Variants in ADAMTSL1 observed in about 807,000 individuals in gnomAD.
ADAMTSL1 encodes the protein ADAMTS-like protein 1.
Under a neutral mutation model 201.8 loss-of-function variants are expected in ADAMTSL1, and 126 were observed. That is an observed-to-expected ratio of 0.62 (90% CI 0.54 to 0.72). ADAMTSL1 has a LOEUF of 0.72. ADAMTSL1 is among the 30% of genes least tolerant of loss of function. The pLI, the probability that ADAMTSL1 is intolerant of heterozygous loss-of-function variation, is 0.00. For synonymous variants in ADAMTSL1, 1,121 were observed against 903.4 expected (o/e 1.24, Z -4.32); for missense variants, 2,679 against 2,277.8 (o/e 1.18, Z -3.59).
chr9:18,829,398 G>T (rs1824832782), intron 22 of ADAMTSL1, among the ~76,000 whole-genome samples: 1 of 152,172 alleles, frequency 6.6e-6, no homozygotes. Flanking sequence ...GTGTTTATCT[G>T]TGTGGACAAT....
intron 1 of ADAMTSL1, among the ~76,000 whole-genome samples, chr9:17,998,742 G>T (rs1043009982): frequency 6.6e-6 from 1 of 151,976 alleles, no homozygotes; most frequent in Non-Finnish European, 1.5e-5. Flanking sequence ...TCCTGTCTAG[G>T]AGGTAGGCTT....
chr9:18,537,729 A>G (rs111998798), intron 3 of ADAMTSL1, among the ~76,000 whole-genome samples: 2 of 151,926 alleles, frequency 1.3e-5, no homozygotes, highest in African/African-American at 4.8e-5. Context: ...AAAACCAAAT[A>G]TTAGCATGCT....
chr9:18,890,589 T>G, intron 25 of ADAMTSL1: 1 of 455,970 alleles, frequency 2.2e-6, no homozygotes, highest in Non-Finnish European at 4.4e-6. Flanking sequence ...CAGGAGAGAT[T>G]CGATGAAATA....
intron 2 of ADAMTSL1, among the ~76,000 whole-genome samples, chr9:18,388,372 C>A (rs7874532): frequency 0.13 from 19,656 of 151,926 alleles, 1,323 homozygotes; most frequent in South Asian, 0.23. Context: ...CTCCTCGGTT[C>A]AAGCAATTCT....
chr9:18,831,230 A>G (rs1824957391), intron 23 of ADAMTSL1, among the ~76,000 whole-genome samples: 1 of 152,250 alleles, frequency 6.6e-6, no homozygotes, highest in East Asian at 1.9e-4. Context: ...CATGATTTAT[A>G]CAAGTTTGGC....
intron 1 of ADAMTSL1, among the ~76,000 whole-genome samples, chr9:17,948,024 TGGGTG>T (rs1196895189): frequency 6.6e-6 from 1 of 152,126 alleles, no homozygotes; most frequent in African/African-American, 2.4e-5. Flanking sequence ...GCTCCAGTGG[TGGGTG>T]GTAAATGTCG....
In ADAMTSL1 at chr9:18,661,990, T is replaced by A. The variant is rs751760171; in HGVS notation, c.1002T>A (p.Ala334=). 6.8e-6 allele frequency: 11 copies of A among 1,613,996 alleles called. No individual in the cohort carries two copies. In the East Asian group the frequency reaches 2.0e-4, roughly 29 times the overall value. The change falls in exon 9 of 29, where the codon GCT becomes GCA. Residue 334 remains alanine (A), a synonymous_variant. Transcript: ENST00000380548. ...ATCTGAGGAGCAACCGTGTGGTTGCTGACCAATACTGTCACTATTACCCAG... is the reference window on the plus strand; with the variant it reads ...ATCTGAGGAGCAACCGTGTGGTTGCAGACCAATACTGTCACTATTACCCAG... ...CYDLRSNRVV[A]DQYCHYYPEN... is the part of the protein sequence containing the mutation.
chr9:18,215,177 A>C (rs1433049950), intron 2 of ADAMTSL1, among the ~76,000 whole-genome samples: 1 of 152,188 alleles, frequency 6.6e-6, no homozygotes, highest in Non-Finnish European at 1.5e-5. Context: ...TTGAACATAA[A>C]ATAATACATA....
chr9:18,327,077 C>T (rs1834854325), intron 2 of ADAMTSL1, among the ~76,000 whole-genome samples: 1 of 152,148 alleles, frequency 6.6e-6, no homozygotes, highest in Non-Finnish European at 1.5e-5. Context: ...TTAGCGAAAG[C>T]TGATAAAAAA....
At chr9:18,509,911 A>G (rs940140527) in intron 2 of ADAMTSL1, among the ~76,000 whole-genome samples, 1 of 152,154 alleles carries the variant, frequency 6.6e-6, no homozygotes, top group Non-Finnish European at 1.5e-5. Context: ...GTTCTGTCTC[A>G]TTTCTCCACT....
rs189225046 is a variant in ADAMTSL1, at chr9:18,881,247, C to G, written c.4250-6584C>G. On this transcript the variant is annotated intron_variant, in intron 23 of 28. Transcript: ENST00000380548. ...AAGAGCTTTTTCTTTGCATTCACAA[C>G]TTGGCTGTTTGGAGCAAGAGACCTG... 9.1e-4 allele frequency among the ~76,000 whole-genome samples: 138 copies of G among 152,316 alleles called. 1 individual carries two copies. Among genetic ancestry groups the G allele is most frequent in the Non-Finnish European group, 3.5e-4 (24 of 68,030 alleles).
intron 25 of ADAMTSL1, among the ~76,000 whole-genome samples, chr9:18,891,407 CA>C (rs537693872): frequency 1.3e-3 from 196 of 152,256 alleles, no homozygotes; most frequent in African/African-American, 4.5e-3. Context: ...ATTACATGAG[CA>C]ACAGTCTCGC....
intron 2 of ADAMTSL1, among the ~76,000 whole-genome samples, chr9:18,310,394 A>G (rs891839370): frequency 4.3e-5 from 6 of 140,970 alleles, no homozygotes; most frequent in African/African-American, 1.1e-4. Context: ...AAAAAAAAAA[A>G]AAAAACTATC....
intron 1 of ADAMTSL1, among the ~76,000 whole-genome samples, chr9:17,990,545 A>G (rs139799937): frequency 1.3e-5 from 2 of 152,082 alleles, no homozygotes; most frequent in East Asian, 1.9e-4. Flanking sequence ...GTATCGAAAT[A>G]TAAGTCATTG....
intron 1 of ADAMTSL1, among the ~76,000 whole-genome samples, chr9:18,023,699 T>C (rs2131588526): frequency 6.6e-6 from 1 of 152,282 alleles, no homozygotes; most frequent in Non-Finnish European, 1.5e-5. Context: ...ATACATAATA[T>C]TTCAGGTTAG....
intron 2 of ADAMTSL1, among the ~76,000 whole-genome samples, chr9:18,339,632 T>TG (rs1433909187): frequency 6.6e-6 from 1 of 152,092 alleles, no homozygotes; most frequent in East Asian, 1.9e-4. Context: ...ATTTTTTAAC[T>TG]TTTTTTACAG....
intron 2 of ADAMTSL1, among the ~76,000 whole-genome samples, chr9:18,461,096 G>A (rs1313375306): frequency 1.3e-5 from 2 of 151,762 alleles, no homozygotes; most frequent in Admixed American, 6.6e-5. Context: ...ATTTTTAAAG[G>A]GTATATTGCA....
chr9:18,717,930 C>T lies in ADAMTSL1; in HGVS notation c.1877-3606C>T, dbSNP rs117314508. 1.7e-4 allele frequency: 211 copies of T among 1,268,856 alleles called. No individual in the cohort carries two copies. In the East Asian group the frequency reaches 4.1e-3, roughly 25 times the overall value. The allele number at this position is 1,268,856 out of a possible 1,614,324, so 78.6% of individuals were successfully genotyped here. On this transcript the variant is annotated intron_variant, in intron 14 of 28. Transcript: ENST00000380548. ...GTGTTGGCACTATTGAATTGGACAACAGTTCTTCAGAGCTGACTCAGAGCT... is the reference window on the plus strand; with the variant it reads ...GTGTTGGCACTATTGAATTGGACAATAGTTCTTCAGAGCTGACTCAGAGCT...
intron 7 of ADAMTSL1, among the ~76,000 whole-genome samples, chr9:18,647,698 T>C (rs1313875220): frequency 6.6e-6 from 1 of 151,384 alleles, no homozygotes; most frequent in Non-Finnish European, 1.5e-5. Context: ...TGAGTGGTTT[T>C]GAGTGAGATT....
Sources: gnomAD v4.1 joint callset for allele counts (sites outside exome capture counted in the v4.1 genomes callset) on GRCh38, gnomAD v4.1.1 for gene constraint, MANE v1.5 for transcripts, NCBI Gene and HGNC (gene_info 2026-07-23, HGNC 2026-07-21) for gene names.